The following ANGPT1 variants were observed in gnomAD, a reference collection of about 807,000 sequenced individuals.
ANGPT1 encodes angiopoietin 1, also known as angiopoietin-1.
A neutral mutation model predicts 62.2 loss-of-function variants in ANGPT1; 17 were observed. That is an observed-to-expected ratio of 0.27 (90% CI 0.19 to 0.41). The LOEUF (loss-of-function observed/expected upper bound fraction) is 0.41, where lower values mean the gene tolerates loss of function less well. ANGPT1 is among the 10% of genes least tolerant of loss of function. The pLI is 1.00. For missense variants in ANGPT1, 478 were observed against 594.9 expected, an observed-to-expected ratio of 0.80 and a Z score of 2.04; for synonymous variants, 199 against 198.9, an observed-to-expected ratio of 1.00 and a Z score of 0.00.
At position 107,324,173 on chromosome 8, in the gene ANGPT1, A is replaced by ATG. The variant is rs1194574943; in HGVS notation, c.576-2046_576-2045insCA. Among the ~76,000 whole-genome samples, 197 of 144,424 alleles carry ATG rather than the reference A, an allele frequency of 1.4e-3. 1 individual carries two copies. The highest frequency in any genetic ancestry group is 5.0e-3 in the African/African-American group (186 of 37,286). 94.7% of individuals were successfully genotyped at this position (144,424 alleles called of 152,430 possible). A position where few individuals can be genotyped will look rare whatever the true frequency, so the allele number is the denominator to read the frequency against. ...AAAAAAAAAAAATATGTATATATATATATGTGTGTGTGTGTATATATGTAT... is the reference window on the plus strand; with the variant it reads ...AAAAAAAAAAAATATGTATATATATATGTATGTGTGTGTGTGTATATATGTAT... On this transcript the variant is annotated intron_variant, in intron 3 of 8. Coordinates refer to ENST00000517746, the MANE Select transcript of ANGPT1 (RefSeq NM_001146.5).
chr8:107,358,243 T>A (rs1367410112), intron 1 of ANGPT1, among the ~76,000 whole-genome samples: 3 of 152,172 alleles, frequency 2.0e-5, no homozygotes, highest in Non-Finnish European at 1.5e-5. Flanking sequence ...TTCTGAATAA[T>A]ATTTGTTGAG....
chr8:107,496,942 ATACTTTCT>A (rs575822459), intron 1 of ANGPT1, among the ~76,000 whole-genome samples: 4 of 152,330 alleles, frequency 2.6e-5, no homozygotes, highest in Admixed American at 2.6e-4. Flanking sequence ...TAAGAGGTAC[ATACTTTCT>A]TTCTTAAGGT....
chr8:107,428,346 C>T (rs1811089511), intron 1 of ANGPT1, among the ~76,000 whole-genome samples: 1 of 152,178 alleles, frequency 6.6e-6, no homozygotes. Flanking sequence ...GAGCTACAAG[C>T]TCCAGAGTCT....
At chr8:107,358,411 G>A (rs188870753) in intron 1 of ANGPT1, among the ~76,000 whole-genome samples, 2 of 151,726 alleles carry the variant, frequency 1.3e-5, no homozygotes, top group Non-Finnish European at 2.9e-5. Context: ...AAGGACTAGA[G>A]ACAGTGGGCA....
chr8:107,412,385 A>T (rs1810611195), intron 1 of ANGPT1, among the ~76,000 whole-genome samples: 1 of 152,110 alleles, frequency 6.6e-6, no homozygotes, highest in South Asian at 2.1e-4. Context: ...CCTGAACAAA[A>T]TCAGGGATCC....
At chr8:107,276,700 G>C (rs1164369304) in intron 7 of ANGPT1, among the ~76,000 whole-genome samples, 5 of 152,088 alleles carry the variant, frequency 3.3e-5, no homozygotes, top group Non-Finnish European at 7.4e-5. Context: ...CTGAGGATCT[G>C]AGACTTAGAA....
At chr8:107,291,365 C>T (rs1322777578) in intron 6 of ANGPT1, among the ~76,000 whole-genome samples, 6 of 151,940 alleles carry the variant, frequency 3.9e-5, no homozygotes, top group Admixed American at 2.0e-4. Flanking sequence ...GGTGATCTGT[C>T]GAAAATCTCT....
intron 4 of ANGPT1, among the ~76,000 whole-genome samples, chr8:107,317,037 C>G (rs1230584187): frequency 6.6e-6 from 1 of 152,188 alleles, no homozygotes; most frequent in African/African-American, 2.4e-5. Flanking sequence ...TCAGTAAAAT[C>G]CCCAAGAAAA....
intron 3 of ANGPT1, 65 bp downstream of exon 3, chr8:107,336,085 G>A: frequency 6.9e-7 from 1 of 1,439,724 alleles, no homozygotes; most frequent in South Asian, 1.6e-5. Flanking sequence ...TTTAAGAGTT[G>A]GCAGAGAGGT....
chr8:107,409,876 T>A (rs1158761848), intron 1 of ANGPT1, among the ~76,000 whole-genome samples: 1 of 152,110 alleles, frequency 6.6e-6, no homozygotes, highest in Non-Finnish European at 1.5e-5. Flanking sequence ...ATAATGATTG[T>A]GTTTATTTGT....
At chr8:107,349,122 T>TCAGATAGA (rs1554584812) in intron 1 of ANGPT1, among the ~76,000 whole-genome samples, 1 of 143,802 alleles carries the variant, frequency 7.0e-6, no homozygotes, top group Non-Finnish European at 1.5e-5. Context: ...GATAAGGAGA[T>TCAGATAGA]TAGATAGATA....
chr8:107,325,059 G>A (rs1408183873), intron 3 of ANGPT1, among the ~76,000 whole-genome samples: 3 of 152,150 alleles, frequency 2.0e-5, no homozygotes, highest in Admixed American at 1.3e-4. Context: ...GTAAGGGGTA[G>A]GTATGATTCA....
intron 1 of ANGPT1, among the ~76,000 whole-genome samples, chr8:107,480,236 T>C (rs1812642372): frequency 6.6e-6 from 1 of 152,194 alleles, no homozygotes; most frequent in South Asian, 2.1e-4. Flanking sequence ...AAACTATGCA[T>C]GGGTTTAAAA....
intron 4 of ANGPT1, among the ~76,000 whole-genome samples, chr8:107,313,736 A>T (rs10955449): frequency 1.3e-5 from 2 of 151,432 alleles, no homozygotes; most frequent in African/African-American, 2.4e-5. Context: ...AGCCACCACG[A>T]CTGGCCAAAA....
At chr8:107,341,259 A>T (rs1815690124) in intron 2 of ANGPT1, among the ~76,000 whole-genome samples, 1 of 152,194 alleles carries the variant, frequency 6.6e-6, no homozygotes, top group Admixed American at 6.5e-5. Flanking sequence ...TTTAGACTCA[A>T]CTTCCAGTTT....
chr8:107,497,857 T>C lies in ANGPT1; in HGVS notation c.-299A>G. Reference sequence around the variant, plus strand: ...GTGACCGTTCAGCATGGAGCCTGCCTGAGTCAGCTGCGTGTACATATTCTA... The same window carrying C: ...GTGACCGTTCAGCATGGAGCCTGCCCGAGTCAGCTGCGTGTACATATTCTA... On this transcript the variant is annotated 5_prime_UTR_variant, in exon 1 of 9. Coordinates refer to ENST00000517746, the MANE Select transcript of ANGPT1 (RefSeq NM_001146.5). The C allele has an allele frequency of 1.9e-6, 1 of 517,264 alleles. No homozygotes were observed. The highest frequency in any genetic ancestry group is 3.4e-6 in the Non-Finnish European group (1 of 296,414). The allele number at this position is 517,264 out of a possible 1,614,324, so 32.0% of individuals were successfully genotyped here. A position where few individuals can be genotyped will look rare whatever the true frequency, so the allele number is the denominator to read the frequency against.
intron 5 of ANGPT1, among the ~76,000 whole-genome samples, chr8:107,296,229 G>A (rs1404524967): frequency 6.6e-6 from 1 of 152,084 alleles, no homozygotes; most frequent in Non-Finnish European, 1.5e-5. Context: ...GTGAACACCT[G>A]AGAAGGACAG....
At chr8:107,456,328 A>T (rs2130465774) in intron 1 of ANGPT1, among the ~76,000 whole-genome samples, 1 of 152,180 alleles carries the variant, frequency 6.6e-6, no homozygotes, top group African/African-American at 2.4e-5. Context: ...TCTCTTTAAA[A>T]AGAAACTCCA....
At chr8:107,489,023 CT>C (rs1260478693) in intron 1 of ANGPT1, among the ~76,000 whole-genome samples, 1 of 152,152 alleles carries the variant, frequency 6.6e-6, no homozygotes, top group Non-Finnish European at 1.5e-5. Context: ...TGTAATTTAA[CT>C]TATTTAACCT....
Sources: gnomAD v4.1 joint callset for allele counts (sites outside exome capture counted in the v4.1 genomes callset) on GRCh38, gnomAD v4.1.1 for gene constraint, MANE v1.5 for transcripts, NCBI Gene and HGNC (gene_info 2026-07-23, HGNC 2026-07-21) for gene names.